ACER1: variants seen among roughly 807,000 people sequenced by gnomAD.
ACER1 encodes CTB-180A7.3.
Under a neutral mutation model 24.9 loss-of-function variants are expected in ACER1, and 28 were observed. The ratio of observed to expected loss-of-function variants is 1.13; its 90% CI spans 0.83 to 1.54. ACER1 has a LOEUF of 1.54. Ranked by LOEUF, ACER1 falls within the 40% of genes most tolerant of loss-of-function variation. The probability of loss-of-function intolerance (pLI) is 0.00; values close to 1 mark genes in which losing one functional copy is unlikely to be tolerated. For missense variants in ACER1, 352 were observed against 349.3 expected, an observed-to-expected ratio of 1.01 and a Z score of -0.06; for synonymous variants, 132 against 131.4, an observed-to-expected ratio of 1.00 and a Z score of -0.03.
At chr19:6,355,606 G>A in the ACER1 span, among the ~76,000 whole-genome samples, 238 of 146,190 alleles carry the variant, frequency 1.6e-3, 9 homozygotes, top group African/African-American at 5.7e-3. Context: ...CAGCCGCCCC[G>A]TCCGGGAGGG....
intron 1 of ACER1, among the ~76,000 whole-genome samples, chr19:6,317,434 C>A (rs763698029): frequency 3.9e-5 from 6 of 152,340 alleles, no homozygotes; most frequent in Non-Finnish European, 8.8e-5. Context: ...GGGACAGGGG[C>A]CATGCCAACG....
At chr19:6,322,789 G>A (rs2091637540) in intron 1 of ACER1, among the ~76,000 whole-genome samples, 1 of 152,234 alleles carries the variant, frequency 6.6e-6, no homozygotes, top group Non-Finnish European at 1.5e-5. Context: ...AATAGCGAAT[G>A]AGTCTCATGA....
At chr19:6,345,868 T>A in the ACER1 span, among the ~76,000 whole-genome samples, 5 of 151,560 alleles carry the variant, frequency 3.3e-5, no homozygotes, top group African/African-American at 1.2e-4. Context: ...CCTGGCATCA[T>A]CCAGCTAATT....
At chr19:6,314,029 G>A (rs938581250) in intron 1 of ACER1, among the ~76,000 whole-genome samples, 1 of 152,252 alleles carries the variant, frequency 6.6e-6, no homozygotes, top group African/African-American at 2.4e-5. Flanking sequence ...CACTTTGGGA[G>A]GCTGAGGCAG....
upstream of ACER1, among the ~76,000 whole-genome samples, chr19:6,337,821 AC>A (rs2091721195): frequency 6.7e-6 from 1 of 149,846 alleles, no homozygotes; most frequent in Admixed American, 6.7e-5. Flanking sequence ...GACTGCAGGC[AC>A]CCACCACCAA....
the ACER1 span, among the ~76,000 whole-genome samples, chr19:6,346,128 C>T: frequency 2.5e-4 from 38 of 152,158 alleles, no homozygotes; most frequent in Admixed American, 1.4e-3. Flanking sequence ...TTCAGATTAA[C>T]GATGGATAAG....
chr19:6,355,141 C>G, the ACER1 span, among the ~76,000 whole-genome samples: 1 of 152,036 alleles, frequency 6.6e-6, no homozygotes, highest in African/African-American at 2.4e-5. Context: ...GGTGCCCAGG[C>G]TGGAGTGCAG....
chr19:6,348,122 C>T, the ACER1 span, among the ~76,000 whole-genome samples: 1 of 151,422 alleles, frequency 6.6e-6, no homozygotes, highest in Non-Finnish European at 1.5e-5. Context: ...GGTACCTACA[C>T]ACGTATTTAA....
chr19:6,358,117 G>T, the ACER1 span, among the ~76,000 whole-genome samples: 3 of 152,120 alleles, frequency 2.0e-5, no homozygotes, highest in African/African-American at 4.8e-5. Context: ...TGCAGCCCTG[G>T]GGCAACCGGC....
intron 1 of ACER1, among the ~76,000 whole-genome samples, chr19:6,328,316 C>A (rs1160309491): frequency 1.3e-5 from 2 of 151,526 alleles, no homozygotes; most frequent in Non-Finnish European, 2.9e-5. Flanking sequence ...CAAGGTGAAA[C>A]CCCATCTCTA....
chr19:6,333,898 G>A (rs1600246557), upstream of ACER1, among the ~76,000 whole-genome samples: 1 of 152,226 alleles, frequency 6.6e-6, no homozygotes, highest in East Asian at 1.9e-4. Context: ...TTATTTATTA[G>A]AGTCAGGGCC....
At chr19:6,352,580 C>T in the ACER1 span, among the ~76,000 whole-genome samples, 2 of 152,204 alleles carry the variant, frequency 1.3e-5, no homozygotes, top group Non-Finnish European at 2.9e-5. Context: ...CGGTTTGTTA[C>T]ACAGCACTAA....
intron 1 of ACER1, among the ~76,000 whole-genome samples, chr19:6,323,006 G>C (rs2091638706): frequency 6.6e-6 from 1 of 152,084 alleles, no homozygotes; most frequent in African/African-American, 2.4e-5. Context: ...CAGCTACTCA[G>C]GAGGCTGAGG....
chr19:6,333,407 C>T (rs894327593), intron 1 of ACER1, 52 bp downstream of exon 1: 23 of 1,454,550 alleles, frequency 1.6e-5, no homozygotes, highest in African/African-American at 1.5e-4. Flanking sequence ...GGGGAGGAAC[C>T]GGGATTCGAA....
intron 1 of ACER1, among the ~76,000 whole-genome samples, 176 bp from the exon 2 acceptor site, chr19:6,312,675 T>A (rs2091588038): frequency 6.6e-6 from 1 of 151,118 alleles, no homozygotes; most frequent in Non-Finnish European, 1.5e-5. Context: ...CCCTTTTTTT[T>A]TTTTTTTTTT....
chr19:6,334,314 G>A (rs901896007), upstream of ACER1, among the ~76,000 whole-genome samples: 1 of 151,914 alleles, frequency 6.6e-6, no homozygotes, highest in Non-Finnish European at 1.5e-5. Context: ...AAAGTGCTGG[G>A]ATTATAGGTG....
At chr19:6,308,117 A>G (rs1372505084) in intron 4 of ACER1, among the ~76,000 whole-genome samples, 6 of 151,786 alleles carry the variant, frequency 4.0e-5, no homozygotes, top group Non-Finnish European at 8.8e-5. Flanking sequence ...ACAAGTAACA[A>G]TAATAAATTA....
At chr19:6,310,139 G>A (rs956340213) in intron 3 of ACER1, among the ~76,000 whole-genome samples, 1 of 151,936 alleles carries the variant, frequency 6.6e-6, no homozygotes, top group Non-Finnish European at 1.5e-5. Context: ...CCAGGCTGGA[G>A]TGCAGCAGTG....
At chr19:6,340,023 C>T in the ACER1 span, among the ~76,000 whole-genome samples, 2 of 150,978 alleles carry the variant, frequency 1.3e-5, no homozygotes, top group South Asian at 4.3e-4. Context: ...CACATGTAAT[C>T]CCAGCATTTT....
Sources: gnomAD v4.1 joint callset for allele counts (sites outside exome capture counted in the v4.1 genomes callset) on GRCh38, gnomAD v4.1.1 for gene constraint, MANE v1.5 for transcripts, NCBI Gene and HGNC (gene_info 2026-07-23, HGNC 2026-07-21) for gene names.